The following DLG2 variants were observed in gnomAD, a reference collection of about 807,000 sequenced individuals.
DLG2 encodes discs large MAGUK scaffold protein 2.
Under a neutral mutation model 132.5 loss-of-function variants are expected in DLG2, and 45 were observed. That is an observed-to-expected ratio of 0.34 (90% CI 0.27 to 0.44). The LOEUF is 0.44. DLG2 is among the 20% of genes least tolerant of loss of function. DLG2 has a pLI of 1.00. For synonymous variants in DLG2, 424 were observed against 419.6 expected (o/e 1.01, Z -0.13); for missense variants, 1,045 against 1,196.9 (o/e 0.87, Z 1.87).
chr11:84,631,791 A>T (rs970934554), intron 6 of DLG2, among the ~76,000 whole-genome samples: 2 of 152,200 alleles, frequency 1.3e-5, no homozygotes, highest in African/African-American at 4.8e-5. Context: ...AACATGAAAT[A>T]GTAGAAAAAA....
chr11:85,391,796 T>A (rs2086821497), intron 3 of DLG2, among the ~76,000 whole-genome samples: 1 of 152,076 alleles, frequency 6.6e-6, no homozygotes, highest in Non-Finnish European at 1.5e-5. Context: ...CTTAAGGTAA[T>A]AAAAGCCATC....
At chr11:85,127,460 T>C (rs557935693) in intron 5 of DLG2, among the ~76,000 whole-genome samples, 5 of 152,124 alleles carry the variant, frequency 3.3e-5, no homozygotes, top group Non-Finnish European at 7.4e-5. Context: ...CTCATTTCCA[T>C]AGCACTCTAT....
At chr11:84,855,046 C>G (rs901366235) in intron 6 of DLG2, among the ~76,000 whole-genome samples, 14 of 152,040 alleles carry the variant, frequency 9.2e-5, no homozygotes, top group Middle Eastern at 3.4e-3. Context: ...GGACAGGAAG[C>G]CTTGTAGTTC....
At chr11:84,921,379 A>G (rs2092750696) in intron 6 of DLG2, among the ~76,000 whole-genome samples, 1 of 152,184 alleles carries the variant, frequency 6.6e-6, no homozygotes, top group African/African-American at 2.4e-5. Flanking sequence ...CAATCAATAC[A>G]TAAGAAGTAT....
intron 2 of DLG2, among the ~76,000 whole-genome samples, chr11:85,623,070 A>C (rs1314151365): frequency 1.3e-5 from 2 of 152,148 alleles, no homozygotes; most frequent in Non-Finnish European, 2.9e-5. Flanking sequence ...AAAAAAAAAA[A>C]AAAAGATTCC....
chr11:84,026,512 TAA>T (rs1473102495), intron 11 of DLG2, among the ~76,000 whole-genome samples: 5 of 152,224 alleles, frequency 3.3e-5, no homozygotes, highest in African/African-American at 1.2e-4. Flanking sequence ...GCAAAATATT[TAA>T]GTCTATAATT....
chr11:84,852,917 C>A (rs767676081), intron 6 of DLG2, among the ~76,000 whole-genome samples: 7 of 151,906 alleles, frequency 4.6e-5, no homozygotes, highest in Non-Finnish European at 1.0e-4. Flanking sequence ...AACCTCCACA[C>A]AGACCAAATT....
chr11:83,930,291 A>G (rs760756431), intron 15 of DLG2, 37 bp downstream of exon 15: 4 of 1,608,416 alleles, frequency 2.5e-6, no homozygotes, highest in Non-Finnish European at 3.4e-6. Context: ...AAGCACATGC[A>G]GTTCGAGAAG....
In DLG2 at chr11:83,793,929, G is replaced by A. The variant is rs999353102; in HGVS notation, c.1723-7137C>T. ...AACACAACATTTTAGGAGTAGAAGA[G>A]CCTTAGAAACTTGTTTGTCTAGCAC... On this transcript the variant is annotated intron_variant, in intron 17 of 27. Transcript: ENST00000376104. 2.1e-4 allele frequency among the ~76,000 whole-genome samples: 32 copies of A among 152,214 alleles called. No homozygotes were observed. In the East Asian group the frequency reaches 3.5e-3, roughly 17 times the overall value.
chr11:85,176,587 T>C (rs1323869701), intron 4 of DLG2, among the ~76,000 whole-genome samples: 1 of 152,066 alleles, frequency 6.6e-6, no homozygotes, highest in African/African-American at 2.4e-5. Context: ...CAAAAGCAAT[T>C]GCAACAAAAG....
rs1003648609 is a variant in DLG2 at position 85,562,812 on chromosome 11, C to A, written c.40+35845G>T. 7.2e-5 allele frequency among the ~76,000 whole-genome samples: 11 copies of A among 151,822 alleles called. 1 individual carries two copies. Among genetic ancestry groups the A allele is most frequent in the South Asian group, 2.1e-4 (1 of 4,814 alleles). On this transcript the variant is annotated intron_variant, in intron 3 of 27. Transcript: ENST00000376104. ...CTAAACAGTGAATTAGAGGAAGCTC[C>A]TTCCTTTAGAAAATGGCAGTCTGGT... is the stretch of plus-strand genomic sequence containing the variant.
At chr11:85,217,662 T>C (rs1207241086) in intron 4 of DLG2, among the ~76,000 whole-genome samples, 2 of 152,180 alleles carry the variant, frequency 1.3e-5, no homozygotes, top group African/African-American at 4.8e-5. Context: ...TTGAAACCAC[T>C]CAATCACAAG....
At chr11:84,760,741 A>G (rs2067507066) in intron 6 of DLG2, among the ~76,000 whole-genome samples, 1 of 152,148 alleles carries the variant, frequency 6.6e-6, no homozygotes, top group Admixed American at 6.5e-5. Context: ...TGAACAGGAG[A>G]CAGGAAAATA....
intron 6 of DLG2, among the ~76,000 whole-genome samples, chr11:85,060,322 T>C (rs2063927781): frequency 6.6e-6 from 1 of 150,566 alleles, no homozygotes. Flanking sequence ...ATATATAACA[T>C]AAGCATATTA....
chr11:84,015,755 T>C (rs572705586), intron 11 of DLG2, among the ~76,000 whole-genome samples: 6 of 152,228 alleles, frequency 3.9e-5, no homozygotes, highest in Non-Finnish European at 7.3e-5. Context: ...ATGGTGTATA[T>C]GTACCACATT....
intron 12 of DLG2, among the ~76,000 whole-genome samples, chr11:83,969,999 C>T (rs976229079): frequency 6.6e-6 from 1 of 150,596 alleles, no homozygotes; most frequent in East Asian, 1.9e-4. Flanking sequence ...ACAAAAACAT[C>T]TATACTGAGA....
At chr11:84,239,749 A>C (rs947129992) in intron 8 of DLG2, among the ~76,000 whole-genome samples, 2 of 152,310 alleles carry the variant, frequency 1.3e-5, no homozygotes, top group Non-Finnish European at 2.9e-5. Flanking sequence ...GTCTGTATAG[A>C]TATAGTATAC....
At position 83,640,790 on chromosome 11, in the gene DLG2, A is replaced by T. The variant is rs113878200; in HGVS notation, c.1826-7465T>A. On this transcript the variant is annotated intron_variant, in intron 18 of 27. Transcript: ENST00000376104. Reference sequence around the variant, plus strand: ...CAGGATATCAAGAAACCCTTCTATCATGGAAAGACGCTAATACAGTCAGTT... The same window carrying T: ...CAGGATATCAAGAAACCCTTCTATCTTGGAAAGACGCTAATACAGTCAGTT... Among the ~76,000 whole-genome samples the T allele has an allele frequency of 2.8e-4, 42 of 152,316 alleles. 3 individuals are homozygous for T. Among genetic ancestry groups the T allele is most frequent in the African/African-American group, 1.0e-3 (42 of 41,574 alleles).
In DLG2 at chr11:84,479,620, A is replaced by T. The variant is rs371893744; in HGVS notation, c.519+54950T>A. On this transcript the variant is annotated intron_variant, in intron 7 of 27. Coordinates refer to ENST00000376104, the MANE Select transcript of DLG2 (RefSeq NM_001142699.3). ...TCCCTTACAAATTTAAACTAGGCTT[A>T]AGTAGATAGCCATATATTATAATGG... Among the ~76,000 whole-genome samples, 7 of 152,278 alleles carry T rather than the reference A, an allele frequency of 4.6e-5. No homozygotes were observed. In the East Asian group the frequency reaches 1.4e-3, roughly 29 times the overall value.
Sources: gnomAD v4.1 joint callset for allele counts (sites outside exome capture counted in the v4.1 genomes callset) on GRCh38, gnomAD v4.1.1 for gene constraint, MANE v1.5 for transcripts, NCBI Gene and HGNC (gene_info 2026-07-23, HGNC 2026-07-21) for gene names.